The following ZRSR2 variants were observed in gnomAD, a reference collection of about 807,000 sequenced individuals.
ZRSR2 encodes the protein U2 small nuclear ribonucleoprotein auxiliary factor 35 kDa subunit-related protein 2.
ZRSR2 carries 3 observed loss-of-function variants against 39.4 expected under a neutral mutation model. The ratio of observed to expected loss-of-function variants is 0.08; its 90% CI spans 0.03 to 0.20. The LOEUF (loss-of-function observed/expected upper bound fraction) is 0.20. Ranked by LOEUF, ZRSR2 falls within the 10% of genes least tolerant of loss-of-function variation. The probability of loss-of-function intolerance (pLI) is 1.00; values close to 1 mark genes in which losing one functional copy is unlikely to be tolerated. For missense variants in ZRSR2, 256 were observed against 391.5 expected (o/e 0.65, Z 2.92); for synonymous variants, 137 against 136.0 (o/e 1.01, Z -0.05).
chrX:15,797,798 T>A (rs1285766810), intron 2 of ZRSR2, among the ~76,000 whole-genome samples: 1 of 111,804 alleles, frequency 8.9e-6, no homozygotes, highest in Non-Finnish European at 1.9e-5. Flanking sequence ...TATGTCCGAT[T>A]GTACACGTGG....
chrX:15,811,722 G>A (rs1020831312), intron 7 of ZRSR2, among the ~76,000 whole-genome samples: 6 of 111,070 alleles, frequency 5.4e-5, no homozygotes, highest in Admixed American at 9.6e-5. Context: ...CACTGCTCCC[G>A]GCCTAATTCT....
intron 3 of ZRSR2, among the ~76,000 whole-genome samples, chrX:15,800,452 G>T (rs1247254720): frequency 1.8e-5 from 2 of 110,433 alleles, no homozygotes; most frequent in African/African-American, 6.6e-5. Flanking sequence ...CTCCCAAAGT[G>T]CTGGGATTAT....
At chrX:15,818,694 T>C (rs1933030840) in intron 9 of ZRSR2, 52 bp downstream of exon 9, 1 of 1,004,087 alleles carries the variant, frequency 1.0e-6, no homozygotes, top group South Asian at 2.1e-5. Flanking sequence ...TTTGTTGTTC[T>C]GTTTCTGTTG....
intron 2 of ZRSR2, 132 bp downstream of exon 2, chrX:15,791,145 A>G: frequency 3.7e-6 from 2 of 537,736 alleles, no homozygotes; most frequent in Non-Finnish European, 6.2e-6. Flanking sequence ...TTCTGCCCCC[A>G]AGTAGTTATT....
chrX:15,793,844 A>G (rs1312293465), intron 2 of ZRSR2, among the ~76,000 whole-genome samples: 1 of 112,317 alleles, frequency 8.9e-6, no homozygotes, highest in Non-Finnish European at 1.9e-5. Context: ...GGCCAGGAAC[A>G]CTGCTGTTTA....
In ZRSR2 at chrX:15,796,121, C is replaced by T. The variant is rs758518070; in HGVS notation, c.122-3751C>T. On this transcript the variant is annotated intron_variant, in intron 2 of 10. Coordinates refer to ENST00000307771, the MANE Select transcript of ZRSR2 (RefSeq NM_005089.4). ...TCGGCTCACTGCAACCTCCGCCTCC[C>T]GGGTTGAAGCAATTCTCCTGCCTCA... Among the ~76,000 whole-genome samples, 302 of 109,691 alleles carry T rather than the reference C, an allele frequency of 2.8e-3. 3 individuals are homozygous for T. The highest frequency in any genetic ancestry group is 9.0e-3 in the African/African-American group (271 of 30,127).
chrX:15,792,100 C>G (rs1337215900), intron 2 of ZRSR2, among the ~76,000 whole-genome samples: 1 of 112,201 alleles, frequency 8.9e-6, no homozygotes, highest in Non-Finnish European at 1.9e-5. Flanking sequence ...GCCACCACAC[C>G]TGACCTGAAG....
chrX:15,792,925 G>C (rs1013022205), intron 2 of ZRSR2, among the ~76,000 whole-genome samples: 1 of 111,986 alleles, frequency 8.9e-6, no homozygotes, highest in Non-Finnish European at 1.9e-5. Context: ...TAGCCATAGA[G>C]GTTTTATTTA....
Position 15,790,870 on chromosome X carries a change from C to G in ZRSR2, c.42-64C>G, listed in dbSNP as rs764545297. On this transcript the variant is annotated intron_variant, in intron 1 of 10. Coordinates refer to ENST00000307771, the MANE Select transcript of ZRSR2 (RefSeq NM_005089.4). ...TTTCCTTTCATTGGGCACAGAGGAG[C>G]GGGGAGCTCGGGCAGCGCTGCATTG... 7 of 1,034,561 alleles carry G rather than the reference C, an allele frequency of 6.8e-6. No homozygotes were observed. In the East Asian group the frequency reaches 2.1e-4, roughly 31 times the overall value. 85.3% of individuals were successfully genotyped at this position (1,034,561 alleles called of 1,213,427 possible).
At chrX:15,815,995 C>A in intron 8 of ZRSR2, 105 bp downstream of exon 8, 1 of 616,927 alleles carries the variant, frequency 1.6e-6, no homozygotes, top group Non-Finnish European at 2.4e-6. Context: ...CACGCTAGCA[C>A]TCTATAAATG....
chrX:15,801,376 G>A (rs1428646664), intron 3 of ZRSR2: 3 of 297,924 alleles, frequency 1.0e-5, no homozygotes, highest in East Asian at 1.2e-4. Flanking sequence ...TTACAGGCAC[G>A]CACCGCCACA....
chrX:15,799,433 C>T (rs999900081), intron 2 of ZRSR2, among the ~76,000 whole-genome samples: 6 of 108,050 alleles, frequency 5.6e-5, no homozygotes, highest in African/African-American at 1.7e-4. Context: ...GATGGATGTT[C>T]CCTTCCACAC....
intron 5 of ZRSR2, among the ~76,000 whole-genome samples, chrX:15,804,749 G>A (rs1465822771): frequency 9.0e-6 from 1 of 111,474 alleles, no homozygotes; most frequent in Non-Finnish European, 1.9e-5. Flanking sequence ...AGAATTAGAG[G>A]ATTTAAAGAA....
chrX:15,809,028 C>A (rs1469055424), intron 6 of ZRSR2, among the ~76,000 whole-genome samples, 172 bp from the exon 7 acceptor site: 3 of 112,145 alleles, frequency 2.7e-5, no homozygotes, highest in African/African-American at 9.7e-5. Context: ...ACATGGAGCT[C>A]ATGTCTCAGT....
At chrX:15,797,380 T>C (rs1932514144) in intron 2 of ZRSR2, among the ~76,000 whole-genome samples, 1 of 107,904 alleles carries the variant, frequency 9.3e-6, no homozygotes, top group African/African-American at 3.4e-5. Context: ...CCGGCTAATT[T>C]TTGTATTTTT....
At chrX:15,797,905 T>C (rs1049489421) in intron 2 of ZRSR2, among the ~76,000 whole-genome samples, 12 of 111,767 alleles carry the variant, frequency 1.1e-4, no homozygotes, top group Non-Finnish European at 2.3e-4. Flanking sequence ...AGTCAACAGG[T>C]GTTTGTGAGT....
At chrX:15,817,563 A>T (rs1171338344) in intron 8 of ZRSR2, among the ~76,000 whole-genome samples, 1 of 112,106 alleles carries the variant, frequency 8.9e-6, no homozygotes, top group Non-Finnish European at 1.9e-5. Flanking sequence ...TGAAAATGGG[A>T]TGATATTCAC....
chrX:15,813,358 G>A (rs1601822838), intron 7 of ZRSR2, among the ~76,000 whole-genome samples: 1 of 112,099 alleles, frequency 8.9e-6, no homozygotes, highest in African/African-American at 3.2e-5. Context: ...CACCCCTTGA[G>A]GTCTGATCAG....
chrX:15,802,761 A>G (rs1238239047), intron 3 of ZRSR2, among the ~76,000 whole-genome samples: 2 of 111,214 alleles, frequency 1.8e-5, no homozygotes, highest in Non-Finnish European at 3.8e-5. Context: ...CCCGGCCCTC[A>G]CTAATTTATT....
Sources: allele counts gnomAD v4.1 joint callset (sites outside exome capture counted in the v4.1 genomes callset), GRCh38; gene constraint gnomAD v4.1.1; transcripts MANE v1.5; gene names NCBI Gene and HGNC (gene_info 2026-07-23, HGNC 2026-07-21).